The following TAS2R1 variants were observed in gnomAD, a reference collection of about 807,000 sequenced individuals.
TAS2R1 encodes taste 2 receptor member 1.
For missense variants in TAS2R1, 370 were observed against 353.4 expected, an observed-to-expected ratio of 1.05 and a Z score of -0.38; for synonymous variants, 141 against 134.2, an observed-to-expected ratio of 1.05 and a Z score of -0.35.
At chr5:9,743,326 A>G in the TAS2R1 span, among the ~76,000 whole-genome samples, 3 of 148,742 alleles carry the variant, frequency 2.0e-5, no homozygotes, top group East Asian at 5.9e-4. Context: ...TTTTAATTTT[A>G]TTATTATTAT....
the TAS2R1 span, among the ~76,000 whole-genome samples, chr5:9,726,710 T>A: frequency 6.6e-6 from 1 of 152,200 alleles, no homozygotes; most frequent in Non-Finnish European, 1.5e-5. Flanking sequence ...GCGGCTTCAT[T>A]CTTGAAGTCA....
chr5:9,662,114 G>A (rs1237819891), intron 1 of TAS2R1, among the ~76,000 whole-genome samples: 1 of 152,140 alleles, frequency 6.6e-6, no homozygotes, highest in Non-Finnish European at 1.5e-5. Flanking sequence ...CAGCCTCCAT[G>A]CCATTTCTCA....
the TAS2R1 span, among the ~76,000 whole-genome samples, chr5:9,886,630 A>C: frequency 6.6e-6 from 1 of 152,094 alleles, no homozygotes; most frequent in Non-Finnish European, 1.5e-5. Flanking sequence ...CACCGTTCCC[A>C]GTCTATTTTT....
At chr5:9,679,421 G>A (rs1425373389) in intron 1 of TAS2R1, among the ~76,000 whole-genome samples, 1 of 152,156 alleles carries the variant, frequency 6.6e-6, no homozygotes, top group Non-Finnish European at 1.5e-5. Flanking sequence ...GAATCTAACT[G>A]TACTATGAAT....
intron 1 of TAS2R1, among the ~76,000 whole-genome samples, chr5:9,668,419 A>G (rs1416671685): frequency 6.6e-6 from 1 of 152,130 alleles, no homozygotes; most frequent in Non-Finnish European, 1.5e-5. Flanking sequence ...AACCCCTGCA[A>G]GATACCTTAC....
At chr5:9,844,510 T>C in the TAS2R1 span, among the ~76,000 whole-genome samples, 3 of 152,222 alleles carry the variant, frequency 2.0e-5, no homozygotes, top group Non-Finnish European at 2.9e-5. Context: ...AAGTCTTCCC[T>C]GACATATTTA....
chr5:9,892,491 T>C, the TAS2R1 span, among the ~76,000 whole-genome samples: 4 of 152,148 alleles, frequency 2.6e-5, no homozygotes, highest in African/African-American at 4.8e-5. Flanking sequence ...GAACTTCAGG[T>C]GTCTAGTTGA....
chr5:9,642,569 G>T (rs931366149), intron 2 of TAS2R1, among the ~76,000 whole-genome samples: 1 of 152,096 alleles, frequency 6.6e-6, no homozygotes, highest in African/African-American at 2.4e-5. Context: ...ACTTGAATTT[G>T]CAGTTGATCT....
the TAS2R1 span, among the ~76,000 whole-genome samples, chr5:9,800,765 G>T: frequency 6.6e-6 from 1 of 152,314 alleles, no homozygotes. Flanking sequence ...CTAAATGTTT[G>T]CATTCCCCTA....
chr5:9,895,618 A>T, the TAS2R1 span, among the ~76,000 whole-genome samples: 1 of 152,232 alleles, frequency 6.6e-6, no homozygotes, highest in South Asian at 2.1e-4. Flanking sequence ...CTAGAAGCGG[A>T]CAATAACCAT....
intron 1 of TAS2R1, among the ~76,000 whole-genome samples, chr5:9,710,217 T>C (rs1741702072): frequency 1.3e-5 from 2 of 152,144 alleles, no homozygotes; most frequent in African/African-American, 2.4e-5. Flanking sequence ...TATGAGAGCA[T>C]GCACTCCAAC....
intron 1 of TAS2R1, among the ~76,000 whole-genome samples, chr5:9,694,152 C>G (rs1233021000): frequency 6.6e-6 from 1 of 152,036 alleles, no homozygotes. Flanking sequence ...AATTAAGACA[C>G]AAACCAATTA....
At chr5:9,881,113 A>C in the TAS2R1 span, among the ~76,000 whole-genome samples, 2 of 152,030 alleles carry the variant, frequency 1.3e-5, no homozygotes, top group South Asian at 4.1e-4. Flanking sequence ...CCTTCCACCA[A>C]GGGGCAGCCA....
chr5:9,842,961 C>T, the TAS2R1 span, among the ~76,000 whole-genome samples: 2 of 152,112 alleles, frequency 1.3e-5, no homozygotes, highest in African/African-American at 2.4e-5. Context: ...GGCTTATTTC[C>T]ATATGCCATG....
the TAS2R1 span, among the ~76,000 whole-genome samples, chr5:9,836,318 G>C: frequency 6.6e-6 from 1 of 152,136 alleles, no homozygotes; most frequent in Non-Finnish European, 1.5e-5. Context: ...GAACTTCAGT[G>C]TTAAATAAAT....
At chr5:9,831,672 T>C in the TAS2R1 span, among the ~76,000 whole-genome samples, 1 of 152,098 alleles carries the variant, frequency 6.6e-6, no homozygotes, top group Non-Finnish European at 1.5e-5. Context: ...CTAGGCTTAT[T>C]ATACTCATTT....
chr5:9,772,938 T>C, the TAS2R1 span, among the ~76,000 whole-genome samples: 1 of 152,144 alleles, frequency 6.6e-6, no homozygotes. Context: ...TATTGTGTTT[T>C]TCATCCATTC....
the TAS2R1 span, among the ~76,000 whole-genome samples, chr5:9,881,826 C>A: frequency 3.9e-5 from 6 of 152,048 alleles, no homozygotes; most frequent in Non-Finnish European, 8.8e-5. Context: ...TGAAACTGGG[C>A]CCCTTCCTTA....
At chr5:9,799,253 T>A in the TAS2R1 span, among the ~76,000 whole-genome samples, 2 of 152,252 alleles carry the variant, frequency 1.3e-5, no homozygotes, top group Non-Finnish European at 2.9e-5. Flanking sequence ...CTGACACTTT[T>A]TCATTCACAA....
Sources: gnomAD v4.1 joint callset for allele counts (sites outside exome capture counted in the v4.1 genomes callset) on GRCh38, gnomAD v4.1.1 for gene constraint, MANE v1.5 for transcripts, NCBI Gene and HGNC (gene_info 2026-07-23, HGNC 2026-07-21) for gene names.